The following YY1AP1 variants were observed in gnomAD, a reference collection of about 807,000 sequenced individuals.
YY1AP1 encodes the protein YY1-associated protein 1.
A neutral mutation model predicts 39.9 loss-of-function variants in YY1AP1; 43 were observed. That is an observed-to-expected ratio of 1.08 (90% CI 0.84 to 1.39). The LOEUF (loss-of-function observed/expected upper bound fraction) is 1.39. Ranked by LOEUF, YY1AP1 falls within the 40% of genes most tolerant of loss-of-function variation. YY1AP1 has a pLI of 0.00. For missense variants in YY1AP1, 813 were observed against 900.7 expected (o/e 0.90, Z 1.25); for synonymous variants, 292 against 331.3 (o/e 0.88, Z 1.29).
chr1:155,659,814 C>G lies in YY1AP1; in HGVS notation c.2096G>C (p.Arg699Pro). The G allele has an allele frequency of 1.2e-6, 2 of 1,614,226 alleles. No individual in the cohort carries two copies. Among genetic ancestry groups the G allele is most frequent in the Non-Finnish European group, 1.7e-6 (2 of 1,180,046 alleles). Reference protein sequence around the residue: ...QEGLSENSAYRWTVVKTEEGR... With the variant: ...QEGLSENSAYPWTVVKTEEGR... ...CTCCTCTGTTTTCACAACGGTCCAGCGATAGGCACTGTTCTCTGACAATCC... is the reference window on the plus strand; with the variant it reads ...CTCCTCTGTTTTCACAACGGTCCAGGGATAGGCACTGTTCTCTGACAATCC... Residue 699 changes from arginine to proline, a missense_variant, in exon 11 of 11, where the codon CGC (arginine) becomes CCC (proline). Transcript: ENST00000355499.
chr1:155,667,652 C>T (rs924389966), intron 9 of YY1AP1, among the ~76,000 whole-genome samples: 8 of 150,270 alleles, frequency 5.3e-5, no homozygotes, highest in African/African-American at 1.7e-4. Context: ...GGTGAAACCC[C>T]GACTCTACTA....
intron 5 of YY1AP1, 43 bp from the exon 6 acceptor site, chr1:155,675,139 T>C: frequency 1.3e-6 from 2 of 1,572,724 alleles, no homozygotes; most frequent in Middle Eastern, 1.9e-4. Context: ...GTTATGACAC[T>C]GCCATTTCAG....
At chr1:155,686,349 C>A (rs1258680960) in intron 2 of YY1AP1, among the ~76,000 whole-genome samples, 3 of 152,066 alleles carry the variant, frequency 2.0e-5, no homozygotes, top group Non-Finnish European at 4.4e-5. Flanking sequence ...AGCCACCGCG[C>A]CCTGCCGAAA....
At chr1:155,679,152 A>G (rs1462436888) in intron 4 of YY1AP1, 1 of 1,424,232 alleles carries the variant, frequency 7.0e-7, no homozygotes, top group Non-Finnish European at 9.3e-7. Flanking sequence ...CTCCAGCACC[A>G]CTCACCCGGA....
Position 155,679,468 on chromosome 1 carries a change from T to C in YY1AP1, c.66A>G (p.Pro22=). The C allele has an allele frequency of 1.2e-6, 2 of 1,614,202 alleles. No homozygotes were observed. The highest frequency in any genetic ancestry group is 2.2e-5 in the East Asian group (1 of 44,890). ...GCTCAGCCACACGCTCCTCCTCTTC[T>C]GGGCCATCATCTTCCATGTTGGAGA... is the stretch of plus-strand genomic sequence containing the variant. ...MGFSNMEDDG[P]EEEERVAEPQ... The change falls in exon 4 of 11, where the codon CCA becomes CCG. Residue 22 remains proline, a synonymous_variant. Transcript: ENST00000355499.
chr1:155,662,766 C>T (rs142481092), intron 9 of YY1AP1, among the ~76,000 whole-genome samples: 7 of 151,880 alleles, frequency 4.6e-5, no homozygotes, highest in South Asian at 2.1e-4. Context: ...TTTGGGAGAA[C>T]GAGGAGGATG....
At chr1:155,667,648 A>ACCC (rs1649213257) in intron 9 of YY1AP1, among the ~76,000 whole-genome samples, 1 of 152,022 alleles carries the variant, frequency 6.6e-6, no homozygotes. Context: ...ACATGGTGAA[A>ACCC]CCCCGACTCT....
rs560682572 is a variant in YY1AP1 at position 155,688,359 on chromosome 1, C to A, written c.-151-158G>T. 29 of 1,547,622 alleles carry A rather than the reference C, an allele frequency of 1.9e-5. No individual in the cohort carries two copies. In the East Asian group the frequency reaches 6.8e-4, roughly 37 times the overall value. Reference sequence around the variant, plus strand: ...CGGCAGCAGAGTGGCCGCGGCAGCTCCTCCAGAGGGAGGGAGCTAAGGGCG... The same window carrying A: ...CGGCAGCAGAGTGGCCGCGGCAGCTACTCCAGAGGGAGGGAGCTAAGGGCG... On this transcript the variant is annotated intron_variant, in intron 1 of 10. Transcript: ENST00000355499.
chr1:155,671,745 A>G (rs903832934), intron 7 of YY1AP1, among the ~76,000 whole-genome samples: 5 of 152,220 alleles, frequency 3.3e-5, no homozygotes, highest in Admixed American at 6.5e-5. Context: ...GATGTGTAAG[A>G]TAATACTATA....
Position 155,659,967 on chromosome 1 carries a change from C to G in YY1AP1, c.1943G>C (p.Gly648Ala), listed in dbSNP as rs1430262108. 2 of 1,614,190 alleles carry G rather than the reference C, an allele frequency of 1.2e-6. No homozygotes were observed. The highest frequency in any genetic ancestry group is 2.2e-5 in the South Asian group (2 of 91,080). The stretch of plus-strand genomic sequence containing the variant: ...TTCTAGGCCCTGAAAGGCATTTTCC[C>G]CATCAGCCACAGCACAAGCAATGTC... ...NVDIACAVAD[G>A]ENAFQGLEPK... The change falls in exon 11 of 11, where the codon GGG (glycine) becomes GCG (alanine). Residue 648 changes from glycine (G) to alanine (A), a missense_variant. By Grantham distance (60) the Gly-to-Ala change is moderately conservative (BLOSUM62 0). Coordinates refer to ENST00000355499, the MANE Select transcript of YY1AP1 (RefSeq NM_139119.3).
intron 4 of YY1AP1, 81 bp from the exon 5 acceptor site, chr1:155,676,827 A>G: frequency 7.1e-7 from 1 of 1,409,578 alleles, no homozygotes; most frequent in Non-Finnish European, 9.9e-7. Flanking sequence ...ATGAGCAAAG[A>G]GCCTGAACAA....
At chr1:155,675,184 A>G (rs1371477349) in intron 5 of YY1AP1, 88 bp from the exon 6 acceptor site, 1 of 1,252,514 alleles carries the variant, frequency 8.0e-7, no homozygotes, top group Non-Finnish European at 1.1e-6. Flanking sequence ...CCCTGGAGAC[A>G]GGGTCTTGCT....
intron 2 of YY1AP1, among the ~76,000 whole-genome samples, chr1:155,681,687 A>G (rs1184135851): frequency 6.6e-6 from 1 of 152,208 alleles, no homozygotes; most frequent in Non-Finnish European, 1.5e-5. Flanking sequence ...AGTGAATTAG[A>G]AGACCAAGAG....
intron 4 of YY1AP1, 119 bp downstream of exon 4, chr1:155,679,290 C>G: frequency 6.4e-7 from 1 of 1,551,824 alleles, no homozygotes; most frequent in Non-Finnish European, 8.7e-7. Context: ...GACTCTGCAT[C>G]CTTACATCAG....
intron 6 of YY1AP1, 163 bp downstream of exon 6, chr1:155,674,847 A>T (rs1650402745): frequency 1.7e-6 from 1 of 588,186 alleles, no homozygotes; most frequent in African/African-American, 1.9e-5. Flanking sequence ...GAAAAAATTG[A>T]ATACACTCTT....
chr1:155,681,599 AG>A (rs1651529234), intron 2 of YY1AP1, among the ~76,000 whole-genome samples: 1 of 150,510 alleles, frequency 6.6e-6, no homozygotes, highest in Admixed American at 6.6e-5. Flanking sequence ...CAAAAAAAAA[AG>A]AGACAGACAG....
rs1040522777 is a variant in YY1AP1, at chr1:155,668,075, G to A, written c.879+552C>T. ...CCTAGCCTCTGGGAAGCCAAAACTG[G>A]TGGATCACTTGAGGTCAGAAGTTCA... On this transcript the variant is annotated intron_variant, in intron 9 of 10. Coordinates refer to ENST00000355499, the MANE Select transcript of YY1AP1 (RefSeq NM_139119.3). 8.6e-5 allele frequency among the ~76,000 whole-genome samples: 13 copies of A among 151,578 alleles called. No individual in the cohort carries two copies. In the Middle Eastern group the frequency reaches 0.014, roughly 161 times the overall value.
rs941974670 is a variant in YY1AP1 at position 155,688,554 on chromosome 1, A to C, written c.-152+105T>G. On this transcript the variant is annotated intron_variant, in intron 1 of 10. Transcript: ENST00000355499. Reference sequence around the variant, plus strand: ...AACCACCACCTTCGGCCGTCCTGCGAGCCAGCCATCCCGTACGCGCTCACC... The same window carrying C: ...AACCACCACCTTCGGCCGTCCTGCGCGCCAGCCATCCCGTACGCGCTCACC... The C allele has an allele frequency of 5.0e-5, 77 of 1,539,406 alleles. No individual in the cohort carries two copies. The Middle Eastern group carries it at 1.5e-3, about 30-fold the overall frequency.
At chr1:155,687,975 C>T (rs1354360062) in intron 2 of YY1AP1, 96 bp downstream of exon 2, 1 of 1,353,874 alleles carries the variant, frequency 7.4e-7, no homozygotes, top group African/African-American at 1.5e-5. Context: ...CCCAGAGGTC[C>T]AGGTCCGGGA....
Sources: allele counts gnomAD v4.1 joint callset (sites outside exome capture counted in the v4.1 genomes callset), GRCh38; gene constraint gnomAD v4.1.1; transcripts MANE v1.5; gene names NCBI Gene and HGNC (gene_info 2026-07-23, HGNC 2026-07-21).